TRPC4: variants seen among roughly 807,000 people sequenced by gnomAD.
TRPC4 encodes the protein short transient receptor potential channel 4.
In TRPC4, 49 loss-of-function variants were observed where a neutral mutation model predicts 99.4. The ratio of observed to expected loss-of-function variants is 0.49; its 90% CI spans 0.39 to 0.63. The LOEUF is 0.63. Among genes scored for constraint, TRPC4 ranks in the 20% least tolerant of loss-of-function variants. The pLI is 0.00. For synonymous variants in TRPC4, 454 were observed against 425.9 expected (o/e 1.07, Z -0.81); for missense variants, 898 against 1,152.9 (o/e 0.78, Z 3.20).
chr13:37,830,284 C>G (rs1958381128), intron 1 of TRPC4, among the ~76,000 whole-genome samples: 1 of 150,358 alleles, frequency 6.7e-6, no homozygotes, highest in Non-Finnish European at 1.5e-5. Flanking sequence ...GTTTTTTACA[C>G]AGAAAAAGAA....
intron 3 of TRPC4, among the ~76,000 whole-genome samples, chr13:37,732,308 A>T (rs1955262881): frequency 6.6e-6 from 1 of 152,160 alleles, no homozygotes. Flanking sequence ...ATGAAGAAAG[A>T]GTAGGATCTA....
intron 2 of TRPC4, among the ~76,000 whole-genome samples, chr13:37,775,342 T>C (rs1331635830): frequency 1.3e-5 from 2 of 151,768 alleles, no homozygotes; most frequent in Non-Finnish European, 2.9e-5. Flanking sequence ...ACCTGGTGAC[T>C]GGCAGCCGTA....
intron 1 of TRPC4, among the ~76,000 whole-genome samples, chr13:37,856,248 C>T (rs1259696626): frequency 1.3e-5 from 2 of 151,406 alleles, no homozygotes; most frequent in African/African-American, 4.8e-5. Flanking sequence ...CAACTACATG[C>T]CAATAAATTC....
chr13:37,646,694 C>A (rs998931110), intron 8 of TRPC4, among the ~76,000 whole-genome samples: 1 of 152,180 alleles, frequency 6.6e-6, no homozygotes, highest in African/African-American at 2.4e-5. Context: ...AATGGAGACT[C>A]CTGACAATTC....
intron 8 of TRPC4, among the ~76,000 whole-genome samples, chr13:37,642,801 G>A (rs575056869): frequency 6.7e-6 from 1 of 150,220 alleles, no homozygotes; most frequent in East Asian, 2.0e-4. Context: ...AATGATCTCG[G>A]CACACTGCAA....
At chr13:37,850,341 T>C (rs1190644162) in intron 1 of TRPC4, among the ~76,000 whole-genome samples, 3 of 152,224 alleles carry the variant, frequency 2.0e-5, no homozygotes, top group East Asian at 3.8e-4. Flanking sequence ...GAGCTCTTAG[T>C]TGGAACTCAG....
At chr13:37,703,806 C>T (rs893699892) in intron 3 of TRPC4, among the ~76,000 whole-genome samples, 1 of 151,820 alleles carries the variant, frequency 6.6e-6, no homozygotes, top group African/African-American at 2.4e-5. Flanking sequence ...TATACATCTA[C>T]CAATGATACA....
chr13:37,856,815 T>C (rs1426267215), intron 1 of TRPC4, among the ~76,000 whole-genome samples: 1 of 151,684 alleles, frequency 6.6e-6, no homozygotes, highest in Non-Finnish European at 1.5e-5. Flanking sequence ...CTTCAATTGA[T>C]TCTGAAAAAG....
rs923165276 is a variant in TRPC4 at position 37,801,092 on chromosome 13, G to T, written c.-27-17732C>A. ...TTTGAATGAATATTTATCAAAGCATGAAGTCAGTCTACATCTTATTTTTGC... is the reference window on the plus strand; with the variant it reads ...TTTGAATGAATATTTATCAAAGCATTAAGTCAGTCTACATCTTATTTTTGC... On this transcript the variant is annotated intron_variant, in intron 1 of 10. Transcript: ENST00000379705. Among the ~76,000 whole-genome samples, 4 of 152,010 alleles carry T rather than the reference G, an allele frequency of 2.6e-5. No homozygotes were observed. The South Asian group carries it at 8.3e-4, about 32-fold the overall frequency.
intron 2 of TRPC4, among the ~76,000 whole-genome samples, chr13:37,747,678 C>G (rs976217888): frequency 1.3e-5 from 2 of 152,112 alleles, no homozygotes; most frequent in African/African-American, 4.8e-5. Flanking sequence ...GACAATTACA[C>G]ACATTTTAAA....
At position 37,658,017 on chromosome 13, in the gene TRPC4, A is replaced by G. The variant is rs551907356; in HGVS notation, c.1689-2734T>C. 2.0e-5 allele frequency among the ~76,000 whole-genome samples: 3 copies of G among 152,254 alleles called. No individual in the cohort carries two copies. The East Asian group carries it at 5.8e-4, about 29-fold the overall frequency. ...TTGTTCAGATAACAGGTGGATTTTT[A>G]AAAAATCAGTCTAAGTTAACATTTC... On this transcript the variant is annotated intron_variant, in intron 6 of 10. Transcript: ENST00000379705.
rs78747137 is a variant in TRPC4 at position 37,865,126 on chromosome 13, A to G, written c.-28+4469T>C. ...TGCATATATATGTTTAGTAAATATC[A>G]TGACAAATTCAGCTAATCGATGTCT... On this transcript the variant is annotated intron_variant, in intron 1 of 10. Transcript: ENST00000379705. Among the ~76,000 whole-genome samples, 1,372 of 151,928 alleles carry G rather than the reference A, an allele frequency of 9.0e-3. 38 individuals carry two copies. In the East Asian group the frequency reaches 0.1, roughly 11 times the overall value.
intron 1 of TRPC4, among the ~76,000 whole-genome samples, chr13:37,817,780 ATT>A (rs1957900472): frequency 6.6e-6 from 1 of 152,000 alleles, no homozygotes; most frequent in African/African-American, 2.4e-5. Flanking sequence ...AAAACATGCA[ATT>A]GGGAACAATG....
intron 1 of TRPC4, among the ~76,000 whole-genome samples, chr13:37,865,232 T>A (rs925277749): frequency 6.6e-6 from 1 of 151,622 alleles, no homozygotes; most frequent in Non-Finnish European, 1.5e-5. Context: ...CAGGGAAAAC[T>A]AAAACAAATA....
At chr13:37,842,992 G>A (rs4943540) in intron 1 of TRPC4, among the ~76,000 whole-genome samples, 81,049 of 152,022 alleles carry the variant, frequency 0.53, 22,027 homozygotes, top group East Asian at 0.69. Flanking sequence ...ACCTGCTAAG[G>A]CTGATAAGAA....
chr13:37,688,714 A>G (rs1431867127), intron 4 of TRPC4, among the ~76,000 whole-genome samples: 1 of 152,212 alleles, frequency 6.6e-6, no homozygotes, highest in Non-Finnish European at 1.5e-5. Context: ...TACTTTATAC[A>G]ACAAGCAGCT....
intron 5 of TRPC4, among the ~76,000 whole-genome samples, chr13:37,670,777 C>T (rs1741060561): frequency 6.6e-6 from 1 of 152,100 alleles, no homozygotes; most frequent in African/African-American, 2.4e-5. Context: ...TCACCTTCTC[C>T]CTGCCCACAT....
chr13:37,699,500 T>C (rs1954031018), intron 3 of TRPC4, among the ~76,000 whole-genome samples: 1 of 152,156 alleles, frequency 6.6e-6, no homozygotes, highest in South Asian at 2.1e-4. Context: ...TTTTCAGCCT[T>C]GTTAAAAGGC....
intron 2 of TRPC4, among the ~76,000 whole-genome samples, chr13:37,781,557 C>T (rs1566166421): frequency 2.0e-5 from 3 of 152,006 alleles, no homozygotes; most frequent in South Asian, 4.1e-4. Context: ...TTGGATATTA[C>T]TATTAGTTGT....
Sources: gnomAD v4.1 joint callset for allele counts (sites outside exome capture counted in the v4.1 genomes callset) on GRCh38, gnomAD v4.1.1 for gene constraint, MANE v1.5 for transcripts, NCBI Gene and HGNC (gene_info 2026-07-23, HGNC 2026-07-21) for gene names.